Variants in EYA1 observed in about 807,000 individuals in gnomAD.
EYA1 encodes EYA transcriptional coactivator and phosphatase 1.
A neutral mutation model predicts 82.0 loss-of-function variants in EYA1; 16 were observed. The ratio of observed to expected loss-of-function variants is 0.20; its 90% CI spans 0.13 to 0.30. The LOEUF (loss-of-function observed/expected upper bound fraction) is 0.30. Among genes scored for constraint, EYA1 ranks in the 10% least tolerant of loss-of-function variants. The pLI is 1.00. For missense variants in EYA1, 633 were observed against 730.7 expected (o/e 0.87, Z 1.54); for synonymous variants, 261 against 264.4 (o/e 0.99, Z 0.12).
chr8:71,417,361 T>C (rs1325430934), intron 2 of EYA1, among the ~76,000 whole-genome samples: 1 of 152,218 alleles, frequency 6.6e-6, no homozygotes, highest in Non-Finnish European at 1.5e-5. Flanking sequence ...CATTTATCAA[T>C]GGTTGTAGAT....
chr8:71,522,113 T>G (rs1288343097), intron 2 of EYA1, among the ~76,000 whole-genome samples: 4 of 152,318 alleles, frequency 2.6e-5, no homozygotes, highest in Non-Finnish European at 4.4e-5. Flanking sequence ...GTGCTTTATG[T>G]GAAACTTTCT....
At chr8:71,524,390 T>A (rs551228978) in intron 2 of EYA1, among the ~76,000 whole-genome samples, 42 of 152,302 alleles carry the variant, frequency 2.8e-4, no homozygotes, top group Admixed American at 9.2e-4. Context: ...GCTAATTTTT[T>A]AAATAGAAAT....
intron 2 of EYA1, among the ~76,000 whole-genome samples, chr8:71,402,579 G>T (rs1053704241): frequency 2.0e-5 from 3 of 152,158 alleles, no homozygotes; most frequent in African/African-American, 7.2e-5. Context: ...AGTGTATTAA[G>T]TTTGGGGTTA....
At chr8:71,547,645 C>G (rs1043617567) in intron 1 of EYA1, 2 of 151,808 alleles carry the variant, frequency 1.3e-5, no homozygotes, top group African/African-American at 4.8e-5. Context: ...CGGGGTGGGG[C>G]CCAGGGGCAT....
intron 1 of EYA1, among the ~76,000 whole-genome samples, chr8:71,542,697 C>A (rs1440354935): frequency 1.3e-5 from 2 of 152,136 alleles, no homozygotes; most frequent in Admixed American, 1.3e-4. Context: ...ATAAGCATTC[C>A]TTTTTCTCTG....
intron 12 of EYA1, among the ~76,000 whole-genome samples, chr8:71,237,518 TTGTCTC>T (rs35313611): frequency 0.038 from 5,847 of 152,240 alleles, 353 homozygotes; most frequent in African/African-American, 0.13. Context: ...AAAATAGTAT[TTGTCTC>T]TGACTACAGA....
At chr8:71,502,782 C>T (rs1038185586) in intron 2 of EYA1, among the ~76,000 whole-genome samples, 2 of 152,102 alleles carry the variant, frequency 1.3e-5, no homozygotes, top group East Asian at 1.9e-4. Context: ...GCCTTGAAAC[C>T]GCCAGTCAAC....
chr8:71,515,124 T>C (rs1345387749), intron 2 of EYA1, among the ~76,000 whole-genome samples: 1 of 152,092 alleles, frequency 6.6e-6, no homozygotes, highest in Admixed American at 6.6e-5. Flanking sequence ...AACAAAATCA[T>C]CTTGAAAGAA....
intron 2 of EYA1, chr8:71,530,881 T>C (rs1049937037): frequency 6.6e-6 from 1 of 152,134 alleles, no homozygotes; most frequent in Admixed American, 6.5e-5. Flanking sequence ...GTTATGAGAG[T>C]ACAATGGAGC....
intron 2 of EYA1, among the ~76,000 whole-genome samples, chr8:71,455,777 A>T (rs1807842730): frequency 6.6e-6 from 1 of 152,226 alleles, no homozygotes; most frequent in Non-Finnish European, 1.5e-5. Flanking sequence ...AGAGCTATTT[A>T]TGACAAACCC....
intron 2 of EYA1, among the ~76,000 whole-genome samples, chr8:71,508,248 A>G (rs530861388): frequency 6.6e-6 from 1 of 152,296 alleles, no homozygotes; most frequent in South Asian, 2.1e-4. Flanking sequence ...AGAACTCACC[A>G]GAACAAACTA....
intron 1 of EYA1, among the ~76,000 whole-genome samples, chr8:71,540,887 T>C (rs1326088808): frequency 1.3e-5 from 2 of 152,168 alleles, no homozygotes; most frequent in African/African-American, 4.8e-5. Flanking sequence ...AAAGGGCTAT[T>C]CTGAAATAAG....
chr8:71,384,378 C>T (rs567717858), intron 2 of EYA1, among the ~76,000 whole-genome samples: 2 of 152,286 alleles, frequency 1.3e-5, no homozygotes, highest in South Asian at 2.1e-4. Flanking sequence ...CTCACTGAGA[C>T]TTCTCATTCT....
intron 1 of EYA1, among the ~76,000 whole-genome samples, chr8:71,547,117 A>G (rs1431441780): frequency 6.6e-6 from 1 of 151,586 alleles, no homozygotes; most frequent in Admixed American, 6.6e-5. Context: ...GACCCCTCCA[A>G]TTTACCTCTA....
At chr8:71,250,000 C>T (rs1813552778) in intron 11 of EYA1, among the ~76,000 whole-genome samples, 1 of 152,000 alleles carries the variant, frequency 6.6e-6, no homozygotes, top group Non-Finnish European at 1.5e-5. Context: ...AAATTTCAGC[C>T]TCCCTTATTG....
chr8:71,493,388 C>T lies in EYA1; in HGVS notation c.33+42356G>A, dbSNP rs528677735. Reference sequence around the variant, plus strand: ...GGCTGAAACATGCTCTTAGCAGTTACAACACCTGGAATTGTGCCCATGTGG... The same window carrying T: ...GGCTGAAACATGCTCTTAGCAGTTATAACACCTGGAATTGTGCCCATGTGG... On this transcript the variant is annotated intron_variant, in intron 2 of 18. Transcript: ENST00000643681. Among the ~76,000 whole-genome samples, 4 of 152,346 alleles carry T rather than the reference C, an allele frequency of 2.6e-5. 1 individual carries two copies. In the South Asian group the frequency reaches 8.3e-4, roughly 32 times the overall value.
chr8:71,301,462 T>C (rs1820190491), intron 7 of EYA1, among the ~76,000 whole-genome samples: 1 of 152,214 alleles, frequency 6.6e-6, no homozygotes, highest in African/African-American at 2.4e-5. Flanking sequence ...TTCCCTCTTT[T>C]ACTTTCCCGA....
chr8:71,285,574 A>G (rs1020885373), intron 9 of EYA1, among the ~76,000 whole-genome samples: 1 of 152,278 alleles, frequency 6.6e-6, no homozygotes, highest in Non-Finnish European at 1.5e-5. Flanking sequence ...TATTCATTAT[A>G]CAAGTAGGTT....
At chr8:71,474,070 A>T (rs1295767577) in intron 2 of EYA1, among the ~76,000 whole-genome samples, 1 of 152,044 alleles carries the variant, frequency 6.6e-6, no homozygotes, top group African/African-American at 2.4e-5. Flanking sequence ...ATAGAAGAGG[A>T]ATAGCATTAG....
Sources: allele counts gnomAD v4.1 joint callset (sites outside exome capture counted in the v4.1 genomes callset), GRCh38; gene constraint gnomAD v4.1.1; transcripts MANE v1.5; gene names NCBI Gene and HGNC (gene_info 2026-07-23, HGNC 2026-07-21).